WEE2: variants seen among roughly 807,000 people sequenced by gnomAD.
WEE2 encodes WEE2 oocyte meiosis inhibiting kinase.
Under a neutral mutation model 60.1 loss-of-function variants are expected in WEE2, and 50 were observed. The ratio of observed to expected loss-of-function variants is 0.83; its 90% CI spans 0.66 to 1.05. The LOEUF is 1.05. Ranked by LOEUF, WEE2 falls within the 50% of genes least tolerant of loss-of-function variation. The probability of loss-of-function intolerance (pLI) is 0.00; values close to 1 mark genes in which losing one functional copy is unlikely to be tolerated. For missense variants in WEE2, 631 were observed against 684.3 expected (o/e 0.92, Z 0.87); for synonymous variants, 240 against 241.0 (o/e 1.00, Z 0.04).
At chr7:141,714,982 A>G (rs938785152) in intron 2 of WEE2, among the ~76,000 whole-genome samples, 1 of 152,228 alleles carries the variant, frequency 6.6e-6, no homozygotes. Context: ...GAACATTACT[A>G]TGTCTCTCCA....
At chr7:141,717,280 G>A (rs1798820802) in intron 3 of WEE2, among the ~76,000 whole-genome samples, 1 of 152,154 alleles carries the variant, frequency 6.6e-6, no homozygotes, top group Non-Finnish European at 1.5e-5. Context: ...AGTTTTATTT[G>A]CGTAAATAAA....
chr7:141,712,493 CAGA>C (rs1477070030), intron 1 of WEE2, among the ~76,000 whole-genome samples: 18 of 152,250 alleles, frequency 1.2e-4, no homozygotes, highest in Non-Finnish European at 1.8e-4. Flanking sequence ...TGCTTCCAAG[CAGA>C]AGTTCTTTTC....
intron 5 of WEE2, among the ~76,000 whole-genome samples, chr7:141,721,415 T>C (rs990353237): frequency 2.0e-5 from 3 of 152,114 alleles, no homozygotes; most frequent in Admixed American, 1.3e-4. Flanking sequence ...TCCTTGTTGG[T>C]AGCACCTCAT....
chr7:141,718,164 A>G (rs1272612621), intron 3 of WEE2, among the ~76,000 whole-genome samples: 3 of 152,004 alleles, frequency 2.0e-5, no homozygotes, highest in Non-Finnish European at 4.4e-5. Flanking sequence ...AAGTAGTAAA[A>G]CCCAAGATTT....
rs1319870486 is a variant in WEE2, at chr7:141,728,698, AC to A, written c.1536-831del. 1.3e-3 allele frequency among the ~76,000 whole-genome samples: 196 copies of A among 152,238 alleles called. 2 individuals are homozygous for A. The highest frequency in any genetic ancestry group is 4.6e-3 in the African/African-American group (189 of 41,534). On this transcript the variant is annotated intron_variant, in intron 10 of 11. Coordinates refer to ENST00000397541, the MANE Select transcript of WEE2 (RefSeq NM_001105558.1). The stretch of plus-strand genomic sequence containing the variant: ...GGGGTCCCCAGCCCCTGGGCCATGG[AC>A]CAGTACCAGTCTGTGGCCTGTTAGG...
At chr7:141,725,219 C>G in intron 9 of WEE2, 23 bp downstream of exon 9, 2 of 1,601,042 alleles carry the variant, frequency 1.2e-6, no homozygotes, top group South Asian at 1.1e-5. Flanking sequence ...ACGAGATGAA[C>G]AGAAGATGCA....
intron 1 of WEE2, among the ~76,000 whole-genome samples, chr7:141,709,698 C>A (rs1798682339): frequency 6.6e-6 from 1 of 152,204 alleles, no homozygotes; most frequent in Non-Finnish European, 1.5e-5. Context: ...CCTCCAGGTT[C>A]TTCTAGTATA....
intron 1 of WEE2, among the ~76,000 whole-genome samples, chr7:141,713,798 C>T (rs1798747104): frequency 6.6e-6 from 1 of 152,150 alleles, no homozygotes; most frequent in South Asian, 2.1e-4. Flanking sequence ...ACATAGTAGG[C>T]ACCAAACAAA....
At position 141,714,285 on chromosome 7, in the gene WEE2, C is replaced by G; in HGVS notation, c.419C>G (p.Pro140Arg). 2.5e-6 allele frequency: 4 copies of G among 1,613,934 alleles called. No individual in the cohort carries two copies. The South Asian group carries it at 4.4e-5, about 18-fold the overall frequency. ...GGCCCTAAGCATTTGAAGCTCACAC[C>G]TGCTCCCCTCAAGGATGAGATGACC... ...SRGPKHLKLT[P>R]APLKDEMTSL... The change falls in exon 2 of 12, where the codon CCT (proline) becomes CGT (arginine). Residue 140 changes from proline to arginine, a missense_variant. Pro to Arg is a moderately radical substitution (Grantham distance 103). Coordinates refer to ENST00000397541, the MANE Select transcript of WEE2 (RefSeq NM_001105558.1).
chr7:141,720,013 A>C (rs2117114107), intron 4 of WEE2, among the ~76,000 whole-genome samples: 1 of 152,300 alleles, frequency 6.6e-6, no homozygotes, highest in South Asian at 2.1e-4. Flanking sequence ...AGAACTGTTC[A>C]AAAGTTCTTC....
intron 2 of WEE2, among the ~76,000 whole-genome samples, chr7:141,714,744 C>T (rs893351468): frequency 1.3e-5 from 2 of 152,140 alleles, no homozygotes; most frequent in Non-Finnish European, 2.9e-5. Flanking sequence ...AGTTGGGGAA[C>T]GTGTAGCTCA....
intron 10 of WEE2, among the ~76,000 whole-genome samples, chr7:141,728,654 C>T (rs1393943993): frequency 6.6e-6 from 1 of 152,184 alleles, no homozygotes; most frequent in Non-Finnish European, 1.5e-5. Context: ...CAGACAGCAT[C>T]TTGAAATTGT....
chr7:141,717,394 G>A (rs960665235), intron 3 of WEE2, among the ~76,000 whole-genome samples: 3 of 152,284 alleles, frequency 2.0e-5, no homozygotes, highest in Non-Finnish European at 2.9e-5. Context: ...TCTGACTTAT[G>A]CCTCCATTAT....
chr7:141,714,449 A>G (rs770768394), intron 2 of WEE2, 44 bp downstream of exon 2: 1 of 1,430,900 alleles, frequency 7.0e-7, no homozygotes, highest in Non-Finnish European at 9.6e-7. Context: ...TGACCCTACT[A>G]CAGTCAAGTA....
intron 4 of WEE2, among the ~76,000 whole-genome samples, chr7:141,720,434 C>T (rs1414546503): frequency 6.6e-6 from 1 of 152,140 alleles, no homozygotes; most frequent in Non-Finnish European, 1.5e-5. Context: ...GTGAGTATAT[C>T]ATATTGGCTG....
intron 10 of WEE2, 95 bp from the exon 11 acceptor site, chr7:141,729,436 G>A (rs1442093863): frequency 1.9e-6 from 3 of 1,544,928 alleles, no homozygotes; most frequent in East Asian, 4.5e-5. Flanking sequence ...TGTAAATACT[G>A]AAACAAGAAG....
At position 141,711,227 on chromosome 7, in the gene WEE2, A is replaced by G. The variant is rs1434366143; in HGVS notation, c.342+2127A>G. 1.3e-5 allele frequency among the ~76,000 whole-genome samples: 2 copies of G among 152,178 alleles called. No individual in the cohort carries two copies. Among genetic ancestry groups the G allele is most frequent in the Non-Finnish European group, 1.5e-5 (1 of 68,026 alleles). ...ATGAAAATTGGAAATCCGTATTTGG[A>G]TATCTACAGCATTTAGGAAGTAGTT... On this transcript the variant is annotated intron_variant, in intron 1 of 11. Coordinates refer to ENST00000397541, the MANE Select transcript of WEE2 (RefSeq NM_001105558.1). The surrounding 1 kb of genome is among the most constrained non-coding windows in gnomAD (Gnocchi z 4.2).
chr7:141,725,442 G>A (rs1204984477), intron 9 of WEE2, among the ~76,000 whole-genome samples: 8 of 152,008 alleles, frequency 5.3e-5, no homozygotes, highest in African/African-American at 1.7e-4. Flanking sequence ...TGGCTAACAC[G>A]GTGAAACCCC....
chr7:141,719,157 G>A lies in WEE2; in HGVS notation c.671G>A (p.Gly224Asp). The change falls in exon 4 of 12, where the codon GGT (glycine) becomes GAT (aspartate). Residue 224 changes from glycine to aspartate, a missense_variant. Coordinates refer to ENST00000397541, the MANE Select transcript of WEE2 (RefSeq NM_001105558.1). ...EVEKIGVGEFGTVYKCIKRLD... is the reference protein window; with the variant it reads ...EVEKIGVGEFDTVYKCIKRLD... ...GAAAAAATTGGGGTTGGCGAATTTG[G>A]TACAGTCTACAAGTGCATTAAGAGG... is the stretch of plus-strand genomic sequence containing the variant. The A allele has an allele frequency of 6.2e-7, 1 of 1,614,036 alleles. No individual in the cohort carries two copies. The highest frequency in any genetic ancestry group is 1.1e-5 in the South Asian group (1 of 91,072).
Sources: allele counts gnomAD v4.1 joint callset (sites outside exome capture counted in the v4.1 genomes callset), GRCh38; gene constraint gnomAD v4.1.1; non-coding constraint Gnocchi (gnomAD v3.1); transcripts MANE v1.5; gene names NCBI Gene and HGNC (gene_info 2026-07-23, HGNC 2026-07-21).